Variants in PSD2 observed in about 807,000 individuals in gnomAD.
PSD2 encodes the protein PH and SEC7 domain-containing protein 2.
PSD2 carries 38 observed loss-of-function variants against 69.8 expected under a neutral mutation model. That is an observed-to-expected ratio of 0.54 (90% CI 0.42 to 0.71). The LOEUF (loss-of-function observed/expected upper bound fraction) is 0.71. Among genes scored for constraint, PSD2 ranks in the 30% least tolerant of loss-of-function variants. The pLI is 0.00. For synonymous variants in PSD2, 412 were observed against 423.0 expected (o/e 0.97, Z 0.32); for missense variants, 943 against 1,014.5 (o/e 0.93, Z 0.96).
chr5:139,838,810 T>TGCCATCCTCAGCCCAGGCC, intron 13 of PSD2, 38 bp downstream of exon 13: 2 of 1,595,524 alleles, frequency 1.3e-6, no homozygotes, highest in Non-Finnish European at 1.7e-6. Context: ...CTCCCCAGGC[T>TGCCATCCTCAGCCCAGGCC]GCCATCCTCA....
chr5:139,825,397 A>G (rs1003480153), intron 7 of PSD2, among the ~76,000 whole-genome samples: 5 of 152,138 alleles, frequency 3.3e-5, no homozygotes, highest in African/African-American at 1.2e-4. Context: ...GTTTTCAGTT[A>G]TTTGGGGTTC....
chr5:139,811,603 T>C (rs1209916844), intron 2 of PSD2, among the ~76,000 whole-genome samples: 2 of 152,084 alleles, frequency 1.3e-5, no homozygotes, highest in African/African-American at 4.8e-5. Flanking sequence ...CTAGCTCTTT[T>C]TTTTTATTTG....
At chr5:139,760,755 G>A in the PSD2 span, among the ~76,000 whole-genome samples, 2 of 152,184 alleles carry the variant, frequency 1.3e-5, no homozygotes, top group African/African-American at 2.4e-5. Context: ...AGGGCTTGTG[G>A]TCTGCCTTTG....
At chr5:139,811,352 C>T (rs1759955439) in intron 2 of PSD2, among the ~76,000 whole-genome samples, 1 of 151,928 alleles carries the variant, frequency 6.6e-6, no homozygotes, top group Non-Finnish European at 1.5e-5. Flanking sequence ...AGGAGATGTT[C>T]GAGGGGAAGG....
chr5:139,830,521 TCTTCCTTC>T lies in PSD2; in HGVS notation c.1270-3141_1270-3134del, dbSNP rs534774072. Reference sequence around the variant, plus strand: ...ATGTGCCATCATGCCCAGCTAATTTTCTTCCTTCCTTCCTTCCTTCCTTCCTTCCTTCC... The same window carrying T: ...ATGTGCCATCATGCCCAGCTAATTTTCTTCCTTCCTTCCTTCCTTCCTTCC... On this transcript the variant is annotated intron_variant, in intron 7 of 14. Transcript: ENST00000274710. 1.7e-3 allele frequency among the ~76,000 whole-genome samples: 161 copies of T among 97,022 alleles called. 1 individual carries two copies. The highest frequency in any genetic ancestry group is 2.9e-3 in the African/African-American group (62 of 21,230). 63.7% of individuals were successfully genotyped at this position (97,022 alleles called of 152,430 possible). A position where few individuals can be genotyped will look rare whatever the true frequency, so the allele number is the denominator to read the frequency against.
intron 7 of PSD2, among the ~76,000 whole-genome samples, chr5:139,824,934 C>T (rs1353005791): frequency 6.6e-6 from 1 of 152,082 alleles, no homozygotes; most frequent in East Asian, 1.9e-4. Context: ...GAGCTCTGTT[C>T]AGAGCAGGAG....
chr5:139,783,103 T>C, the PSD2 span, among the ~76,000 whole-genome samples: 1 of 152,174 alleles, frequency 6.6e-6, no homozygotes, highest in Non-Finnish European at 1.5e-5. Flanking sequence ...ACACAGCATT[T>C]GTCCTTTTGT....
intron 7 of PSD2, among the ~76,000 whole-genome samples, chr5:139,831,864 T>C (rs894060266): frequency 1.2e-4 from 19 of 152,208 alleles, no homozygotes; most frequent in Non-Finnish European, 5.9e-5. Context: ...ATTTCAACTT[T>C]TATGTTGAAG....
the PSD2 span, among the ~76,000 whole-genome samples, chr5:139,757,108 G>A: frequency 1.3e-5 from 2 of 152,218 alleles, no homozygotes; most frequent in Non-Finnish European, 2.9e-5. Context: ...TGCATGAAGC[G>A]GATTCTCTCC....
chr5:139,833,695 A>G lies in PSD2; in HGVS notation c.1270-7A>G, dbSNP rs182818864. ...TACTCTTAGGCAGAACCATTTCTCCATTACAGAACATTGGCAAAAAGATGT... is the reference window on the plus strand; with the variant it reads ...TACTCTTAGGCAGAACCATTTCTCCGTTACAGAACATTGGCAAAAAGATGT... On this transcript the variant is annotated splice_region_variant and splice_polypyrimidine_tract_variant and intron_variant, in intron 7 of 14. Transcript: ENST00000274710. The G allele has an allele frequency of 2.3e-4, 368 of 1,610,466 alleles. No individual in the cohort carries two copies. In the African/African-American group the frequency reaches 4.4e-3, roughly 19 times the overall value.
chr5:139,777,360 G>A, the PSD2 span, among the ~76,000 whole-genome samples: 1 of 152,186 alleles, frequency 6.6e-6, no homozygotes, highest in Non-Finnish European at 1.5e-5. Flanking sequence ...GCCTCTTGTT[G>A]CAAACAGATG....
chr5:139,795,003 T>TG (rs1230736194), upstream of PSD2, among the ~76,000 whole-genome samples: 1 of 152,086 alleles, frequency 6.6e-6, no homozygotes, highest in Non-Finnish European at 1.5e-5. This position sits in a 1 kb window ranked among gnomAD's most constrained non-coding sequence, Gnocchi z 4.5. Context: ...CCTTGGGAGA[T>TG]GGTTTCCTCT....
At chr5:139,800,842 C>T (rs1759653814) in intron 1 of PSD2, among the ~76,000 whole-genome samples, 1 of 152,192 alleles carries the variant, frequency 6.6e-6, no homozygotes, top group South Asian at 2.1e-4. Context: ...CCCCCGCCTG[C>T]ATCATTGGGT....
chr5:139,789,178 C>T, the PSD2 span, among the ~76,000 whole-genome samples: 1 of 152,212 alleles, frequency 6.6e-6, no homozygotes, highest in Admixed American at 6.5e-5. Flanking sequence ...TTCTTCGGTT[C>T]ATCACTCTTT....
At chr5:139,841,055 T>C (rs1760858858) in intron 14 of PSD2, among the ~76,000 whole-genome samples, 2 of 152,092 alleles carry the variant, frequency 1.3e-5, no homozygotes, top group Admixed American at 6.5e-5. Context: ...CATTCTCCCC[T>C]CCCTCCAGCC....
intron 1 of PSD2, among the ~76,000 whole-genome samples, chr5:139,796,294 G>A (rs1383743526): frequency 6.6e-6 from 1 of 152,176 alleles, no homozygotes; most frequent in East Asian, 1.9e-4. Flanking sequence ...ATTGTCTCCC[G>A]GCTCCGCCAC....
the PSD2 span, among the ~76,000 whole-genome samples, chr5:139,750,417 C>T: frequency 2.0e-5 from 3 of 152,204 alleles, no homozygotes; most frequent in Non-Finnish European, 4.4e-5. Flanking sequence ...ATTCCTGTTG[C>T]TCCCTCTCCT....
At chr5:139,769,594 G>A in the PSD2 span, among the ~76,000 whole-genome samples, 3 of 152,196 alleles carry the variant, frequency 2.0e-5, no homozygotes, top group African/African-American at 4.8e-5. Flanking sequence ...GGGGACTGTG[G>A]TGGCTTGAGT....
In PSD2 at chr5:139,838,635, G is replaced by A. The variant is rs1325957503; in HGVS notation, c.1831G>A (p.Glu611Lys). 6.2e-7 allele frequency: 1 copy of A among 1,612,782 alleles called. No individual in the cohort carries two copies. The highest frequency in any genetic ancestry group is 8.5e-7 in the Non-Finnish European group (1 of 1,179,076). The change falls in exon 13 of 15, where the codon GAA (glutamate) becomes AAA (lysine). Residue 611 changes from glutamate (E) to lysine (K), a missense_variant. Transcript: ENST00000274710. ...TCCCCCTCCTGTCCCCAGGAGCAAG[G>A]AAGAAATGCTGTCCTGGATCCTCAG... ...RVFLFQAPSK[E>K]EMLSWILRIN...
Sources: gnomAD v4.1 joint callset for allele counts (sites outside exome capture counted in the v4.1 genomes callset) on GRCh38, gnomAD v4.1.1 for gene constraint, Gnocchi (gnomAD v3.1) non-coding constraint, MANE v1.5 for transcripts, NCBI Gene and HGNC (gene_info 2026-07-23, HGNC 2026-07-21) for gene names.